GCLC: variants seen among roughly 807,000 people sequenced by gnomAD.
GCLC encodes the protein glutamate--cysteine ligase catalytic subunit.
In GCLC, 30 loss-of-function variants were observed where a neutral mutation model predicts 81.5. That is an observed-to-expected ratio of 0.37 (90% CI 0.28 to 0.50). GCLC has a LOEUF of 0.50. Among genes scored for constraint, GCLC ranks in the 20% least tolerant of loss-of-function variants. GCLC has a pLI of 0.96. For missense variants in GCLC, 556 were observed against 777.4 expected (o/e 0.72, Z 3.39); for synonymous variants, 262 against 273.3 (o/e 0.96, Z 0.41).
chr6:53,544,712 G>C lies in GCLC; in HGVS notation c.-67C>G, dbSNP rs1371841044. The C allele has an allele frequency of 1.3e-6, 2 of 1,485,486 alleles. No individual in the cohort carries two copies. The highest frequency in any genetic ancestry group is 1.8e-6 in the Non-Finnish European group (2 of 1,107,458). 92.0% of individuals were successfully genotyped at this position (1,485,486 alleles called of 1,614,324 possible). On this transcript the variant is annotated 5_prime_UTR_variant, in exon 1 of 16. Transcript: ENST00000650454. Reference sequence around the variant, plus strand: ...CGGTCGCCCGCTCCGGGCGCGAGACGGACACTCAGCCGCCCGCAGAAGGCG... The same window carrying C: ...CGGTCGCCCGCTCCGGGCGCGAGACCGACACTCAGCCGCCCGCAGAAGGCG...
rs1762979821 is a variant in GCLC, at chr6:53,520,842, G to A, written c.382C>T (p.Arg128Trp). 6.2e-7 allele frequency: 1 copy of A among 1,613,964 alleles called. No homozygotes were observed. The highest frequency in any genetic ancestry group is 8.5e-7 in the Non-Finnish European group (1 of 1,179,916). ...NTVEANMRKR[R>W]KEATSILEEN... is the part of the protein sequence containing the mutation. ...TCTAATATAGAAGTAGCCTCCTTCC[G>A]GCGTTTTCGCATGTTGGCCTCAACT... The change falls in exon 3 of 16, where the codon CGG becomes TGG. Residue 128 changes from arginine (R) to tryptophan (W), a missense_variant. Physicochemically the swap from Arg to Trp is moderately radical, Grantham distance 101. Transcript: ENST00000650454.
intron 1 of GCLC, among the ~76,000 whole-genome samples, chr6:53,542,846 T>C (rs1420595853): frequency 6.6e-6 from 1 of 152,008 alleles, no homozygotes; most frequent in Non-Finnish European, 1.5e-5. Flanking sequence ...CTATCTCTAC[T>C]AAAAATACAA....
At chr6:53,524,360 C>T (rs9474579) in intron 1 of GCLC, among the ~76,000 whole-genome samples, 43,436 of 152,062 alleles carry the variant, frequency 0.29, 6,534 homozygotes, top group Admixed American at 0.42. Flanking sequence ...TGAAGATAAG[C>T]TTTTTATAAA....
intron 1 of GCLC, among the ~76,000 whole-genome samples, chr6:53,538,138 T>C: frequency 6.4e-5 from 2 of 31,478 alleles, no homozygotes; most frequent in Admixed American, 4.6e-4. Flanking sequence ...TTTCTTTCCT[T>C]TTTTTTTTTT....
rs1336174774 is a variant in GCLC, at chr6:53,507,485, T to A, written c.1079A>T (p.Gln360Leu). The change falls in exon 9 of 16, where the codon CAG becomes CTG. Residue 360 changes from glutamine (Q) to leucine (L), a missense_variant. By Grantham distance (113) the Gln-to-Leu change is moderately radical (BLOSUM62 -2). Coordinates refer to ENST00000650454, the MANE Select transcript of GCLC (RefSeq NM_001498.4). ...AAGATGGAGTAGAAACCCACCTTCC[T>A]GCAACAGCTGTTCGTAGATCTCTTT... ...IDKEIYEQLL[Q>L]EGIDHLLAQH... 6.2e-7 allele frequency: 1 copy of A among 1,612,898 alleles called. No individual in the cohort carries two copies. The highest frequency in any genetic ancestry group is 2.2e-5 in the East Asian group (1 of 44,882).
At chr6:53,524,343 T>C (rs1416426723) in intron 1 of GCLC, among the ~76,000 whole-genome samples, 3 of 152,182 alleles carry the variant, frequency 2.0e-5, no homozygotes. Context: ...GTGCCAATCT[T>C]GGTAAGTGAA....
At position 53,509,488 on chromosome 6, in the gene GCLC, G is replaced by T. The variant is rs1011661346; in HGVS notation, c.754-238C>A. 4 of 583,076 alleles carry T rather than the reference G, an allele frequency of 6.9e-6. 1 individual carries two copies. The highest frequency in any genetic ancestry group is 1.2e-5 in the Non-Finnish European group (4 of 328,004). The allele number at this position is 583,076 out of a possible 1,614,324, so 36.1% of individuals were successfully genotyped here. ...CTAATATAAATAACCAAGGTCCTAA[G>T]TGAAATAAGATTAAATAGTCAAAAA... On this transcript the variant is annotated intron_variant, in intron 6 of 15. Coordinates refer to ENST00000650454, the MANE Select transcript of GCLC (RefSeq NM_001498.4).
chr6:53,542,327 G>T (rs896336858), intron 1 of GCLC, among the ~76,000 whole-genome samples: 1 of 152,080 alleles, frequency 6.6e-6, no homozygotes, highest in African/African-American at 2.4e-5. Flanking sequence ...TGATCTTTTG[G>T]AGTGGGAAGG....
At position 53,506,841 on chromosome 6, in the gene GCLC, C is replaced by A; in HGVS notation, c.1197+72G>T. The A allele has an allele frequency of 1.2e-6, 1 of 812,188 alleles. No individual in the cohort carries two copies. The highest frequency in any genetic ancestry group is 2.1e-6 in the Non-Finnish European group (1 of 468,430). 50.3% of individuals were successfully genotyped at this position (812,188 alleles called of 1,614,324 possible). A position where few individuals can be genotyped will look rare whatever the true frequency, so the allele number is the denominator to read the frequency against. Reference sequence around the variant, plus strand: ...CCATGTTGGTTTGTGAAGTGAAATGCATATAAAACAGAGGATTCCAGACTC... The same window carrying A: ...CCATGTTGGTTTGTGAAGTGAAATGAATATAAAACAGAGGATTCCAGACTC... On this transcript the variant is annotated intron_variant, in intron 10 of 15. Coordinates refer to ENST00000650454, the MANE Select transcript of GCLC (RefSeq NM_001498.4). This position sits in a 1 kb window ranked among gnomAD's most constrained non-coding sequence, Gnocchi z 4.0.
intron 3 of GCLC, among the ~76,000 whole-genome samples, chr6:53,519,445 A>G (rs1459779607): frequency 6.6e-5 from 6 of 90,862 alleles, no homozygotes; most frequent in African/African-American, 2.7e-4. Flanking sequence ...ACCAGAGTCC[A>G]CTGGATACCT....
chr6:53,522,481 C>T lies in GCLC; in HGVS notation c.197G>A (p.Arg66Gln), dbSNP rs148272922. ...AACTTTCTCCCCAGACAGGACCAAC[C>T]GGACTTTTTTATTTTCATGATCAAA... is the stretch of plus-strand genomic sequence containing the variant. Reference protein sequence around the residue: ...VSFDHENKKVRLVLSGEKVLE... With the variant: ...VSFDHENKKVQLVLSGEKVLE... The change falls in exon 2 of 16, where the codon CGG (arginine) becomes CAG (glutamine). Residue 66 changes from arginine to glutamine, a missense_variant. Arg to Gln is a conservative substitution (Grantham distance 43, BLOSUM62 1). Transcript: ENST00000650454. The T allele has an allele frequency of 2.1e-4, 342 of 1,612,864 alleles. 1 individual carries two copies. The highest frequency in any genetic ancestry group is 1.8e-3 in the Middle Eastern group (11 of 6,056).
At position 53,507,486 on chromosome 6, in the gene GCLC, G is replaced by C. The variant is rs774764951; in HGVS notation, c.1078C>G (p.Gln360Glu). 1 of 1,612,844 alleles carries C rather than the reference G, an allele frequency of 6.2e-7. No homozygotes were observed. The highest frequency in any genetic ancestry group is 1.1e-5 in the South Asian group (1 of 91,050). ...IDKEIYEQLL[Q>E]EGIDHLLAQH... ...AGATGGAGTAGAAACCCACCTTCCT[G>C]CAACAGCTGTTCGTAGATCTCTTTA... Residue 360 changes from glutamine to glutamate, a missense_variant, in exon 9 of 16, where the codon CAG becomes GAG. Gln to Glu is a conservative substitution (Grantham distance 29). Around this residue, in one of 3 missense-constraint regions of GCLC, gnomAD observed 313 missense variants for 437.3 expected, o/e 0.72. Coordinates refer to ENST00000650454, the MANE Select transcript of GCLC (RefSeq NM_001498.4).
intron 1 of GCLC, among the ~76,000 whole-genome samples, chr6:53,534,377 A>G (rs1763222805): frequency 6.6e-6 from 1 of 152,146 alleles, no homozygotes; most frequent in Non-Finnish European, 1.5e-5. Context: ...TTTACAGACA[A>G]AGGAGAACAC....
At chr6:53,540,667 C>CCACACACA (rs35480206) in intron 1 of GCLC, among the ~76,000 whole-genome samples, 7,851 of 143,834 alleles carry the variant, frequency 0.055, 570 homozygotes, top group Admixed American at 0.21. Context: ...AAGTGTCTTG[C>CCACACACA]CACACACACA....
intron 4 of GCLC, among the ~76,000 whole-genome samples, chr6:53,515,208 C>T (rs1764843444): frequency 6.6e-6 from 1 of 152,142 alleles, no homozygotes; most frequent in Non-Finnish European, 1.5e-5. Flanking sequence ...GCTATGAGAA[C>T]ATTTACAATT....
intron 6 of GCLC, among the ~76,000 whole-genome samples, chr6:53,510,878 T>C (rs1469284820): frequency 1.3e-5 from 2 of 152,166 alleles, no homozygotes; most frequent in African/African-American, 4.8e-5. Context: ...AGAAAAGCTG[T>C]GTCATAGGCA....
chr6:53,497,763 G>A lies in GCLC; in HGVS notation c.*993C>T, dbSNP rs182188630. On this transcript the variant is annotated 3_prime_UTR_variant, in exon 16 of 16. Transcript: ENST00000650454. Reference sequence around the variant, plus strand: ...TCAGTGCCTTTCATGATTTATTGATGAGTTTTATAGAGAAAGTAAGCAGTA... The same window carrying A: ...TCAGTGCCTTTCATGATTTATTGATAAGTTTTATAGAGAAAGTAAGCAGTA... The A allele has an allele frequency of 6.5e-6, 1 of 152,704 alleles. No individual in the cohort carries two copies. The highest frequency in any genetic ancestry group is 1.9e-4 in the East Asian group (1 of 5,184). 9.5% of individuals were successfully genotyped at this position (152,704 alleles called of 1,614,324 possible).
chr6:53,521,949 G>C (rs17881198), intron 2 of GCLC, among the ~76,000 whole-genome samples: 1 of 152,160 alleles, frequency 6.6e-6, no homozygotes, highest in Non-Finnish European at 1.5e-5. Flanking sequence ...ACTCCAGCCC[G>C]GACGACAGAG....
chr6:53,512,878 G>C (rs1204342994), intron 6 of GCLC: 5 of 152,114 alleles, frequency 3.3e-5, no homozygotes, highest in Admixed American at 2.6e-4. Flanking sequence ...ACTCTTAACA[G>C]CACTTATACA....
Sources: gnomAD v4.1 joint callset for allele counts (sites outside exome capture counted in the v4.1 genomes callset) on GRCh38, gnomAD v4.1.1 for gene constraint, gnomAD v4.1.1 regional missense constraint, Gnocchi (gnomAD v3.1) non-coding constraint, MANE v1.5 for transcripts, NCBI Gene and HGNC (gene_info 2026-07-23, HGNC 2026-07-21) for gene names.